The following CDK5RAP3 variants were observed in gnomAD, a reference collection of about 807,000 sequenced individuals.
CDK5RAP3 encodes CDK5 regulatory subunit-associated protein 3.
CDK5RAP3 carries 58 observed loss-of-function variants against 73.3 expected under a neutral mutation model. The observed-to-expected ratio is 0.79, with a 90% confidence interval of 0.64 to 0.98. The LOEUF (loss-of-function observed/expected upper bound fraction) is 0.98. Ranked by LOEUF, CDK5RAP3 falls within the 50% of genes least tolerant of loss-of-function variation. The pLI is 0.00. For synonymous variants in CDK5RAP3, 224 were observed against 247.5 expected, an observed-to-expected ratio of 0.91 and a Z score of 0.89; for missense variants, 525 against 615.8, an observed-to-expected ratio of 0.85 and a Z score of 1.56.
At chr17:47,974,108 T>A in intron 4 of CDK5RAP3, 77 bp downstream of exon 4, 6 of 1,017,790 alleles carry the variant, frequency 5.9e-6, no homozygotes, top group Non-Finnish European at 7.8e-6. Context: ...GTGGTCTCTC[T>A]GAGGCTCCAG....
At chr17:47,973,405 T>C in intron 2 of CDK5RAP3, 114 bp from the exon 3 acceptor site, 1 of 1,264,436 alleles carries the variant, frequency 7.9e-7, no homozygotes, top group Non-Finnish European at 1.1e-6. Context: ...ACCCCCATAC[T>C]TTAACCAATG....
intron 12 of CDK5RAP3, 168 bp downstream of exon 12, chr17:47,980,966 C>A: frequency 1.2e-6 from 1 of 850,820 alleles, no homozygotes; most frequent in Non-Finnish European, 1.8e-6. Flanking sequence ...TTCACATATA[C>A]AGGAAGAATC....
chr17:47,971,443 G>A (rs1335918906), intron 2 of CDK5RAP3, 36 bp downstream of exon 2: 2 of 1,565,356 alleles, frequency 1.3e-6, no homozygotes, highest in Non-Finnish European at 1.7e-6. Flanking sequence ...TGGCTGTCGG[G>A]GGGAGGCCTG....
chr17:47,978,038 T>C, intron 10 of CDK5RAP3, 128 bp downstream of exon 10: 1 of 622,162 alleles, frequency 1.6e-6, no homozygotes. Flanking sequence ...AAAACCTTGA[T>C]GAGGATGTGA....
Position 47,980,812 on chromosome 17 carries a change from T to G in CDK5RAP3, c.1283+14T>G, listed in dbSNP as rs780077807. On this transcript the variant is annotated intron_variant, in intron 12 of 13. Transcript: ENST00000338399. ...GGCCTCACCAAGGTCTGGCTTCCCC[T>G]TGATGCAAGGCTCTGCCATCTTGAG... is the stretch of plus-strand genomic sequence containing the variant. The G allele has an allele frequency of 6.2e-7, 1 of 1,612,982 alleles. No individual in the cohort carries two copies. Among genetic ancestry groups the G allele is most frequent in the East Asian group, 2.2e-5 (1 of 44,882 alleles).
rs1293789822 is a variant in CDK5RAP3 at position 47,971,355 on chromosome 17, C to T, written c.7-7C>T. On this transcript the variant is annotated splice_polypyrimidine_tract_variant and splice_region_variant and intron_variant, in intron 1 of 13. Coordinates refer to ENST00000338399, the MANE Select transcript of CDK5RAP3 (RefSeq NM_176096.3). ...CACGCCCCCCTCCTCACCGTGTTTC[C>T]CGCCAGGACCATCAGCACGTGCCCA... is the stretch of plus-strand genomic sequence containing the variant. The T allele has an allele frequency of 1.2e-6, 2 of 1,610,076 alleles. No individual in the cohort carries two copies. Among genetic ancestry groups the T allele is most frequent in the Admixed American group, 3.4e-5 (2 of 59,420 alleles).
upstream of CDK5RAP3, among the ~76,000 whole-genome samples, chr17:47,969,556 CAAAAAAAAA>C (rs36208323): frequency 0.017 from 1,335 of 79,914 alleles, 37 homozygotes; most frequent in African/African-American, 0.065. Flanking sequence ...GACTCCGTCT[CAAAAAAAAA>C]AAAAAAAAAA....
chr17:47,969,783 C>T (rs909202324), upstream of CDK5RAP3, among the ~76,000 whole-genome samples: 4 of 152,048 alleles, frequency 2.6e-5, no homozygotes, highest in Non-Finnish European at 4.4e-5. Context: ...AAATTATAGA[C>T]CCAAGTGCCT....
chr17:47,974,714 C>T (rs2036355200), intron 5 of CDK5RAP3: 27 of 1,340,852 alleles, frequency 2.0e-5, no homozygotes, highest in Non-Finnish European at 2.6e-5. Context: ...CCACCACTCA[C>T]CTCTTGGTTA....
upstream of CDK5RAP3, chr17:47,970,804 G>GCT (rs2036241012): frequency 1.4e-6 from 2 of 1,432,298 alleles, no homozygotes; most frequent in African/African-American, 2.8e-5. Context: ...CCCAGTGCCC[G>GCT]CCAGGGGAAG....
Position 47,975,304 on chromosome 17 carries a change from G to T in CDK5RAP3, c.480G>T (p.Gln160His), listed in dbSNP as rs1179004414. The T allele has an allele frequency of 6.2e-7, 1 of 1,614,168 alleles. No homozygotes were observed. The highest frequency in any genetic ancestry group is 1.1e-5 in the South Asian group (1 of 91,078). Residue 160 changes from glutamine (Q) to histidine (H), a missense_variant, in exon 6 of 14, where the codon CAG (glutamine) becomes CAT (histidine). By Grantham distance (24) the Gln-to-His change is conservative. Coordinates refer to ENST00000338399, the MANE Select transcript of CDK5RAP3 (RefSeq NM_176096.3). ...CAGGGGCTGCCGAGATGCGGGAGCA[G>T]TTCTACCACTCCTGCAAGCAGTATG... is the stretch of plus-strand genomic sequence containing the variant. ...CQAGAAEMRE[Q>H]FYHSCKQYGI...
chr17:47,971,509 G>T lies in CDK5RAP3; in HGVS notation c.52+102G>T. 7 of 1,159,374 alleles carry T rather than the reference G, an allele frequency of 6.0e-6. No homozygotes were observed. The South Asian group carries it at 1.1e-4, about 18-fold the overall frequency. 71.8% of individuals were successfully genotyped at this position (1,159,374 alleles called of 1,614,324 possible). ...GCTCTGACCCCTGAAAGCCTGAGTC[G>T]AGATGCTGACCACTGGCCTCGTTCT... On this transcript the variant is annotated intron_variant, in intron 2 of 13. Coordinates refer to ENST00000338399, the MANE Select transcript of CDK5RAP3 (RefSeq NM_176096.3).
At chr17:47,968,618 A>T (rs1186617724), upstream of CDK5RAP3, among the ~76,000 whole-genome samples, 4 of 152,210 alleles carry the variant, frequency 2.6e-5, no homozygotes, top group Non-Finnish European at 4.4e-5. Flanking sequence ...CCCGGGTTCA[A>T]GCAGTTCTCC....
At chr17:47,972,770 G>A (rs939185048) in intron 2 of CDK5RAP3, among the ~76,000 whole-genome samples, 1 of 152,104 alleles carries the variant, frequency 6.6e-6, no homozygotes, top group African/African-American at 2.4e-5. Context: ...ACTGTTCAGT[G>A]TTTTACCTGC....
In CDK5RAP3 at chr17:47,977,905, C is replaced by T; in HGVS notation, c.983C>T (p.Thr328Ile). 1 of 1,613,844 alleles carries T rather than the reference C, an allele frequency of 6.2e-7. No homozygotes were observed. Among genetic ancestry groups the T allele is most frequent in the Non-Finnish European group, 8.5e-7 (1 of 1,179,822 alleles). The change falls in exon 10 of 14, where the codon ACC (threonine) becomes ATC (isoleucine). Residue 328 changes from threonine (T) to isoleucine (I), a missense_variant. Thr to Ile is a moderately conservative substitution (Grantham distance 89). Coordinates refer to ENST00000338399, the MANE Select transcript of CDK5RAP3 (RefSeq NM_176096.3). ...CAGATCACAGTGCTGGAAGCAGGAA[C>T]CCAGGGTAAGTGCACCATCCCCTGC... Reference protein sequence around the residue: ...ALQITVLEAGTQAPEGVARGP... With the variant: ...ALQITVLEAGIQAPEGVARGP...
At chr17:47,974,572 C>T (rs762369521) in intron 5 of CDK5RAP3, 124 bp downstream of exon 5, 3 of 1,527,670 alleles carry the variant, frequency 2.0e-6, no homozygotes, top group Admixed American at 4.1e-5. Context: ...AGATGTTGCC[C>T]ATTTGTAGGT....
Position 47,975,199 on chromosome 17 carries a change from G to A in CDK5RAP3, c.375G>A (p.Glu125=). ...SSLLVRNVNY[E]IPSLKKQIAK... is the part of the protein sequence containing the mutation. ...TCCTGGTTCGGAATGTCAACTATGA[G>A]ATCCCCTCACTGAAGAAGCAGATTG... The change falls in exon 6 of 14, where the codon GAG becomes GAA. Residue 125 remains glutamate (E), a synonymous_variant. Transcript: ENST00000338399. 1.2e-6 allele frequency: 2 copies of A among 1,614,142 alleles called. No homozygotes were observed. Among genetic ancestry groups the A allele is most frequent in the Non-Finnish European group, 1.7e-6 (2 of 1,180,030 alleles).
At chr17:47,971,752 C>G (rs1362662091) in intron 2 of CDK5RAP3, among the ~76,000 whole-genome samples, 2 of 152,034 alleles carry the variant, frequency 1.3e-5, no homozygotes, top group African/African-American at 4.8e-5. Flanking sequence ...GGCGAATCAC[C>G]TGAGGTCAGG....
upstream of CDK5RAP3, among the ~76,000 whole-genome samples, chr17:47,969,703 G>A (rs570557095): frequency 6.6e-6 from 1 of 151,814 alleles, no homozygotes. Flanking sequence ...GCCACCACTC[G>A]GACCACAGAT....
Sources: allele counts gnomAD v4.1 joint callset (sites outside exome capture counted in the v4.1 genomes callset), GRCh38; gene constraint gnomAD v4.1.1; transcripts MANE v1.5; gene names NCBI Gene and HGNC (gene_info 2026-07-23, HGNC 2026-07-21).